Variants in FAP observed in about 807,000 individuals in gnomAD.
FAP encodes prolyl endopeptidase FAP.
Under a neutral mutation model 126.5 loss-of-function variants are expected in FAP, and 110 were observed. The observed-to-expected ratio is 0.87, with a 90% CI of 0.74 to 1.02. FAP has a LOEUF of 1.02. Among genes scored for constraint, FAP ranks in the 50% least tolerant of loss-of-function variants. The pLI is 0.00. For synonymous variants in FAP, 334 were observed against 297.3 expected, an observed-to-expected ratio of 1.12 and a Z score of -1.27; for missense variants, 919 against 909.2, an observed-to-expected ratio of 1.01 and a Z score of -0.14.
intron 1 of FAP, 28 bp downstream of exon 1, chr2:162,243,294 A>G: frequency 6.5e-7 from 1 of 1,544,988 alleles, no homozygotes; most frequent in Non-Finnish European, 8.9e-7. Context: ...CTAATTTTTT[A>G]AGAATACTTG....
intron 16 of FAP, chr2:162,194,971 G>T: frequency 1.8e-6 from 1 of 555,030 alleles, no homozygotes; most frequent in South Asian, 2.1e-5. Context: ...AAGAAGCCTT[G>T]CCTGTGCACT....
rs762399432 is a variant in FAP at position 162,173,205 on chromosome 2, G to C, written c.2051C>G (p.Ala684Gly). ...LEHYKNSTVMARAEYFRNVDY... is the reference protein window; with the variant it reads ...LEHYKNSTVMGRAEYFRNVDY... ...TACATTTCTGAAATATTCTGCTCTT[G>C]CCATCACAGTTGAATTCTGGAAAAG... The change falls in exon 24 of 26, where the codon GCA becomes GGA. Residue 684 changes from alanine to glycine, a missense_variant. Ala to Gly is a moderately conservative substitution (Grantham distance 60). Coordinates refer to ENST00000188790, the MANE Select transcript of FAP (RefSeq NM_004460.5). 1 of 1,612,874 alleles carries C rather than the reference G, an allele frequency of 6.2e-7. No individual in the cohort carries two copies. The highest frequency in any genetic ancestry group is 2.2e-5 in the East Asian group (1 of 44,856).
intron 2 of FAP, among the ~76,000 whole-genome samples, chr2:162,234,858 G>A (rs568851137): frequency 6.6e-6 from 1 of 152,146 alleles, no homozygotes. Context: ...GAGGTGTGGA[G>A]GGAGAGGCAG....
At chr2:162,183,675 G>A in intron 20 of FAP, 2 of 482,488 alleles carry the variant, frequency 4.1e-6, no homozygotes, top group Non-Finnish European at 7.4e-6. Context: ...CTTAGACTCT[G>A]TTGTACAGTT....
At chr2:162,235,105 A>G (rs923282737) in intron 2 of FAP, among the ~76,000 whole-genome samples, 7 of 151,564 alleles carry the variant, frequency 4.6e-5, no homozygotes, top group Non-Finnish European at 8.8e-5. Context: ...CCTGCAGCCA[A>G]CCATGCCTGA....
chr2:162,224,507 G>A lies in FAP; in HGVS notation c.319C>T (p.Pro107Ser), dbSNP rs1236918796. The A allele has an allele frequency of 6.2e-7, 1 of 1,600,056 alleles. No homozygotes were observed. The highest frequency in any genetic ancestry group is 1.3e-5 in the African/African-American group (1 of 74,286). ...SVNASNYGLS[P>S]DRQFVYLESD... is the part of the protein sequence containing the mutation. ...TCTAGATATACAAATTGCCGATCAG[G>A]TGATAAGCCGTAATTTGAAGCATTC... Residue 107 changes from proline to serine, a missense_variant, in exon 5 of 26, where the codon CCT becomes TCT. Coordinates refer to ENST00000188790, the MANE Select transcript of FAP (RefSeq NM_004460.5).
At chr2:162,198,723 G>A (rs1688366052) in intron 16 of FAP, 34 bp downstream of exon 16, 1 of 1,612,134 alleles carries the variant, frequency 6.2e-7, no homozygotes, top group Non-Finnish European at 8.5e-7. Flanking sequence ...CATGCCTGTG[G>A]GGATGCTGTG....
At chr2:162,196,599 G>A (rs62188185) in intron 16 of FAP, among the ~76,000 whole-genome samples, 1 of 150,436 alleles carries the variant, frequency 6.6e-6, no homozygotes, top group African/African-American at 2.5e-5. Flanking sequence ...TGTGATCCTA[G>A]TGGCCTAAAC....
At chr2:162,179,843 C>T (rs1275346041) in intron 21 of FAP, among the ~76,000 whole-genome samples, 1 of 143,530 alleles carries the variant, frequency 7.0e-6, no homozygotes. Context: ...GAGTCTCGCT[C>T]TGTTGCCCAG....
At chr2:162,187,367 G>A (rs1229963162) in intron 20 of FAP, among the ~76,000 whole-genome samples, 3 of 152,032 alleles carry the variant, frequency 2.0e-5, no homozygotes, top group Non-Finnish European at 2.9e-5. Context: ...ATTCACGACT[G>A]AGAGTGCAAT....
chr2:162,237,645 A>T lies in FAP; in HGVS notation c.91+5263T>A, dbSNP rs141600237. Reference sequence around the variant, plus strand: ...GTTCCAAGTTTTTGCTATTGTGAACAGTGCTGCAATAAACATACATGTGCA... The same window carrying T: ...GTTCCAAGTTTTTGCTATTGTGAACTGTGCTGCAATAAACATACATGTGCA... On this transcript the variant is annotated intron_variant, in intron 2 of 25. Coordinates refer to ENST00000188790, the MANE Select transcript of FAP (RefSeq NM_004460.5). 2.6e-4 allele frequency among the ~76,000 whole-genome samples: 40 copies of T among 152,372 alleles called. No individual in the cohort carries two copies. In the East Asian group the frequency reaches 7.3e-3, roughly 28 times the overall value.
At chr2:162,175,903 T>G (rs1489878300) in intron 21 of FAP, 1 of 152,138 alleles carries the variant, frequency 6.6e-6, no homozygotes, top group African/African-American at 2.4e-5. Context: ...GACTAAGCAG[T>G]TGTCTGGGAC....
rs748012338 is a variant in FAP at position 162,198,729 on chromosome 2, C to T, written c.1402+28G>A. 3.1e-6 allele frequency: 5 copies of T among 1,612,344 alleles called. No homozygotes were observed. In the East Asian group the frequency reaches 6.7e-5, roughly 22 times the overall value. On this transcript the variant is annotated intron_variant, in intron 16 of 25. Coordinates refer to ENST00000188790, the MANE Select transcript of FAP (RefSeq NM_004460.5). ...GATGACAACCATGCCTGTGGGGATG[C>T]TGTGCTTATGTGAGGTCCGTTACCT...
At chr2:162,182,033 C>A (rs1030707550) in intron 21 of FAP, among the ~76,000 whole-genome samples, 3 of 152,066 alleles carry the variant, frequency 2.0e-5, no homozygotes, top group African/African-American at 4.8e-5. Flanking sequence ...AAGCAATTGA[C>A]GGGTGGGGGT....
intron 2 of FAP, among the ~76,000 whole-genome samples, chr2:162,230,199 G>A (rs1383499296): frequency 6.6e-6 from 1 of 152,142 alleles, no homozygotes; most frequent in East Asian, 1.9e-4. Context: ...ACATGACCAC[G>A]TGTTCATAAA....
chr2:162,223,334 T>G (rs1689494797), intron 6 of FAP, among the ~76,000 whole-genome samples: 1 of 152,114 alleles, frequency 6.6e-6, no homozygotes, highest in Non-Finnish European at 1.5e-5. Context: ...TTTCCATAAA[T>G]AGCACATGTT....
At chr2:162,200,055 G>A (rs1336576788) in intron 15 of FAP, among the ~76,000 whole-genome samples, 1 of 152,188 alleles carries the variant, frequency 6.6e-6, no homozygotes, top group African/African-American at 2.4e-5. Context: ...CTACCAGCAT[G>A]TAGTAACTAT....
intron 16 of FAP, 139 bp from the exon 17 acceptor site, chr2:162,194,887 GAGAAGAAAACATCACTTCTA>G: frequency 1.3e-6 from 1 of 742,686 alleles, no homozygotes; most frequent in South Asian, 1.6e-5. Flanking sequence ...TTTCCCCATA[GAGAAGAAAACATCACTTCTA>G]AGTCACATTT....
At chr2:162,222,062 T>C (rs143644589) in intron 6 of FAP, among the ~76,000 whole-genome samples, 72 of 152,310 alleles carry the variant, frequency 4.7e-4, no homozygotes, top group Middle Eastern at 3.4e-3. Context: ...TCTAAATGTT[T>C]AATGTGATTT....
Sources: allele counts gnomAD v4.1 joint callset (sites outside exome capture counted in the v4.1 genomes callset), GRCh38; gene constraint gnomAD v4.1.1; transcripts MANE v1.5; gene names NCBI Gene and HGNC (gene_info 2026-07-23, HGNC 2026-07-21).